The following TTBK1 variants were observed in gnomAD, a reference collection of about 807,000 sequenced individuals.
The protein encoded by TTBK1 is tau tubulin kinase 1.
TTBK1 carries 34 observed loss-of-function variants against 108.5 expected under a neutral mutation model. That is an observed-to-expected ratio of 0.31 (90% CI 0.24 to 0.42). TTBK1 has a LOEUF of 0.42. Ranked by LOEUF, TTBK1 falls within the 10% of genes least tolerant of loss-of-function variation. TTBK1 has a pLI of 1.00. For synonymous variants in TTBK1, 809 were observed against 795.1 expected, an observed-to-expected ratio of 1.02 and a Z score of -0.29; for missense variants, 1,539 against 1,826.0, an observed-to-expected ratio of 0.84 and a Z score of 2.86.
Position 43,276,856 on chromosome 6 carries a change from G to A in TTBK1, c.1987-5871G>A, listed in dbSNP as rs1027248826. On this transcript the variant is annotated intron_variant, in intron 13 of 14. Transcript: ENST00000259750. The surrounding 1 kb of genome is among the most constrained non-coding windows in gnomAD (Gnocchi z 5.4). ...CACCTTAGCCAGGCAGCTGGGTGAG[G>A]AGGGCACCCCAGAGGTTTGGGCCTA... Among the ~76,000 whole-genome samples the A allele has an allele frequency of 3.3e-5, 5 of 152,216 alleles. No individual in the cohort carries two copies. Among genetic ancestry groups the A allele is most frequent in the Non-Finnish European group, 5.9e-5 (4 of 68,034 alleles).
chr6:43,258,354 G>A (rs1426593497), intron 10 of TTBK1, among the ~76,000 whole-genome samples: 1 of 152,124 alleles, frequency 6.6e-6, no homozygotes, highest in Non-Finnish European at 1.5e-5. Flanking sequence ...GTTTGAAATC[G>A]ATGGGTCAGC....
chr6:43,251,615 C>T (rs1777241771), intron 2 of TTBK1, among the ~76,000 whole-genome samples: 1 of 152,226 alleles, frequency 6.6e-6, no homozygotes, highest in Non-Finnish European at 1.5e-5. Context: ...CAGAACTCAG[C>T]TTTGCTTGGC....
chr6:43,271,395 T>C (rs1361102028), intron 13 of TTBK1: 1 of 985,342 alleles, frequency 1.0e-6, no homozygotes, highest in African/African-American at 1.7e-5. Context: ...TCAATGTGAC[T>C]GGCACGTGCG....
At chr6:43,264,020 G>A (rs768324852) in intron 13 of TTBK1, among the ~76,000 whole-genome samples, 2 of 152,148 alleles carry the variant, frequency 1.3e-5, no homozygotes, top group Non-Finnish European at 2.9e-5. Flanking sequence ...GATGGAGTGG[G>A]GGCCAGGGCG....
In TTBK1 at chr6:43,259,449, C is replaced by T. The variant is rs560711683; in HGVS notation, c.1249-82C>T. 2.1e-6 allele frequency: 3 copies of T among 1,432,980 alleles called. No individual in the cohort carries two copies. The highest frequency in any genetic ancestry group is 1.4e-5 in the African/African-American group (1 of 70,130). The allele number at this position is 1,432,980 out of a possible 1,614,324, so 88.8% of individuals were successfully genotyped here. A position where few individuals can be genotyped will look rare whatever the true frequency, so the allele number is the denominator to read the frequency against. On this transcript the variant is annotated intron_variant, in intron 11 of 14. Coordinates refer to ENST00000259750, the MANE Select transcript of TTBK1 (RefSeq NM_032538.3). The surrounding 1 kb of genome is among the most constrained non-coding windows in gnomAD (Gnocchi z 6.7). ...CGCTGTGTCTTCCATCATCATCATCCTCTGTCTCCTTCACCCTGAGGAGAC... is the reference window on the plus strand; with the variant it reads ...CGCTGTGTCTTCCATCATCATCATCTTCTGTCTCCTTCACCCTGAGGAGAC...
intron 13 of TTBK1, among the ~76,000 whole-genome samples, chr6:43,268,404 A>G (rs979572738): frequency 1.3e-5 from 2 of 152,160 alleles, no homozygotes; most frequent in Non-Finnish European, 2.9e-5. Context: ...AGCCAGTCCT[A>G]TTAGAATGTT....
chr6:43,252,331 G>T (rs1777266454), intron 2 of TTBK1, among the ~76,000 whole-genome samples: 1 of 151,782 alleles, frequency 6.6e-6, no homozygotes, highest in South Asian at 2.1e-4. Flanking sequence ...CCCCTTCAAA[G>T]ATACCCCCTT....
In TTBK1 at chr6:43,276,534, G is replaced by A. The variant is rs1296148638; in HGVS notation, c.1987-6193G>A. Among the ~76,000 whole-genome samples, 1 of 152,244 alleles carries A rather than the reference G, an allele frequency of 6.6e-6. No homozygotes were observed. Among genetic ancestry groups the A allele is most frequent in the Non-Finnish European group, 1.5e-5 (1 of 68,032 alleles). On this transcript the variant is annotated intron_variant, in intron 13 of 14. Transcript: ENST00000259750. This position sits in a 1 kb window ranked among gnomAD's most constrained non-coding sequence, Gnocchi z 5.4. ...GCGCACACGGCCGCGCACGGGCGGG[G>A]AGGGGGCGCCCCGCCGTCACGCGTC...
At chr6:43,255,988 T>G in intron 9 of TTBK1, 132 bp downstream of exon 9, 6 of 1,109,996 alleles carry the variant, frequency 5.4e-6, no homozygotes, top group Non-Finnish European at 7.9e-6. Context: ...GTCTTCTAAC[T>G]GCACTAAAGG....
chr6:43,252,194 G>GTGTGTGTT (rs906083353), intron 2 of TTBK1, among the ~76,000 whole-genome samples: 1 of 147,974 alleles, frequency 6.8e-6, no homozygotes, highest in African/African-American at 2.5e-5. Flanking sequence ...GTGTGTGTGT[G>GTGTGTGTT]TGTGTGTGTG....
chr6:43,273,645 G>T lies in TTBK1; in HGVS notation c.1987-9082G>T, dbSNP rs1777889971. ...CGTACATCAACAAGATCCAAACAGTGTCAGGGAAGTGGCAGGTTCAGGGAC... is the reference window on the plus strand; with the variant it reads ...CGTACATCAACAAGATCCAAACAGTTTCAGGGAAGTGGCAGGTTCAGGGAC... On this transcript the variant is annotated intron_variant, in intron 13 of 14. Coordinates refer to ENST00000259750, the MANE Select transcript of TTBK1 (RefSeq NM_032538.3). This position sits in a 1 kb window ranked among gnomAD's most constrained non-coding sequence, Gnocchi z 4.2. Among the ~76,000 whole-genome samples the T allele has an allele frequency of 6.6e-6, 1 of 152,220 alleles. No individual in the cohort carries two copies. The highest frequency in any genetic ancestry group is 1.5e-5 in the Non-Finnish European group (1 of 68,046).
rs1354817234 is a variant in TTBK1 at position 43,243,694 on chromosome 6, G to A, written c.-69G>A. 2 of 153,374 alleles carry A rather than the reference G, an allele frequency of 1.3e-5. No homozygotes were observed. Among genetic ancestry groups the A allele is most frequent in the Non-Finnish European group, 2.9e-5 (2 of 68,822 alleles). The allele number at this position is 153,374 out of a possible 1,614,324, so 9.5% of individuals were successfully genotyped here. ...CGCCGCCGCCGCAGCCGCAGCCGCAGCGGGCACAGAGCAGGTGAGGCGGGG... is the reference window on the plus strand; with the variant it reads ...CGCCGCCGCCGCAGCCGCAGCCGCAACGGGCACAGAGCAGGTGAGGCGGGG... On this transcript the variant is annotated 5_prime_UTR_variant, in exon 1 of 15. Transcript: ENST00000259750. This position sits in a 1 kb window ranked among gnomAD's most constrained non-coding sequence, Gnocchi z 5.5.
Position 43,257,778 on chromosome 6 carries a change from C to CTCTCT in TTBK1, c.862-33_862-29dup. 1 of 1,595,812 alleles carries CTCTCT rather than the reference C, an allele frequency of 6.3e-7. No homozygotes were observed. Among genetic ancestry groups the CTCTCT allele is most frequent in the Non-Finnish European group, 8.6e-7 (1 of 1,167,774 alleles). ...TCCTCCTGGCTAGCCCCCGGATCAC[C>CTCTCT]TCTCTGTCCTCCCATCACCCTCACC... On this transcript the variant is annotated intron_variant, in intron 9 of 14. Coordinates refer to ENST00000259750, the MANE Select transcript of TTBK1 (RefSeq NM_032538.3). This position sits in a 1 kb window ranked among gnomAD's most constrained non-coding sequence, Gnocchi z 4.5.
At position 43,263,627 on chromosome 6, in the gene TTBK1, A is replaced by G. The variant is rs1421674549; in HGVS notation, c.1986+277A>G. ...GAAGGGCCTCGCAGGCCACGGGCAC[A>G]GTGTTTTGCACAGGCCGGGAGGGGG... On this transcript the variant is annotated intron_variant, in intron 13 of 14. Coordinates refer to ENST00000259750, the MANE Select transcript of TTBK1 (RefSeq NM_032538.3). The surrounding 1 kb of genome is among the most constrained non-coding windows in gnomAD (Gnocchi z 4.7). Among the ~76,000 whole-genome samples, 1 of 152,188 alleles carries G rather than the reference A, an allele frequency of 6.6e-6. No homozygotes were observed. Among genetic ancestry groups the G allele is most frequent in the African/African-American group, 2.4e-5 (1 of 41,452 alleles).
chr6:43,270,474 G>C, intron 13 of TTBK1: 1 of 986,054 alleles, frequency 1.0e-6, no homozygotes, highest in Non-Finnish European at 1.2e-6. Flanking sequence ...TGTATGGATG[G>C]AGGCCAGGAC....
intron 13 of TTBK1, among the ~76,000 whole-genome samples, chr6:43,264,242 G>T (rs866430396): frequency 6.6e-6 from 1 of 152,080 alleles, no homozygotes; most frequent in Admixed American, 6.6e-5. Flanking sequence ...AATTAGCCGG[G>T]TGTGGTGGTG....
rs575597650 is a variant in TTBK1 at position 43,282,974 on chromosome 6, A to G, written c.2234A>G (p.Glu745Gly). ...EEEEEEDEEE[E>G]EEDEEEEEEE... is the part of the protein sequence containing the mutation. ...GAGGAGGAGGAAGATGAGGAAGAGG[A>G]AGAAGAGGATGAGGAAGAAGAAGAG... is the stretch of plus-strand genomic sequence containing the variant. The change falls in exon 14 of 15, where the codon GAA (glutamate) becomes GGA (glycine). Residue 745 changes from glutamate to glycine, a missense_variant. By Grantham distance (98) the Glu-to-Gly change is moderately conservative. This residue lies in a region of TTBK1 where 1,055 missense variants were observed against 1,086.5 expected (regional missense o/e 0.97). Transcript: ENST00000259750. The surrounding 1 kb of genome is among the most constrained non-coding windows in gnomAD (Gnocchi z 5.4). The G allele has an allele frequency of 5.0e-6, 8 of 1,602,582 alleles. No homozygotes were observed. The highest frequency in any genetic ancestry group is 1.7e-4 in the Middle Eastern group (1 of 6,032).
At chr6:43,244,299 T>C (rs1474919158) in intron 1 of TTBK1, among the ~76,000 whole-genome samples, 1 of 151,940 alleles carries the variant, frequency 6.6e-6, no homozygotes, top group Non-Finnish European at 1.5e-5. Flanking sequence ...TTACCTGGGC[T>C]CCCAGATTCT....
intron 13 of TTBK1, chr6:43,270,159 C>T: frequency 2.9e-5 from 40 of 1,361,162 alleles, no homozygotes; most frequent in Non-Finnish European, 3.6e-5. Context: ...CCATCAGCTC[C>T]CTTTGTAGGT....
Sources: gnomAD v4.1 joint callset for allele counts (sites outside exome capture counted in the v4.1 genomes callset) on GRCh38, gnomAD v4.1.1 for gene constraint, gnomAD v4.1.1 regional missense constraint, Gnocchi (gnomAD v3.1) non-coding constraint, MANE v1.5 for transcripts, NCBI Gene and HGNC (gene_info 2026-07-23, HGNC 2026-07-21) for gene names.